Variants in ZNF883 observed in about 807,000 individuals in gnomAD.
ZNF883 encodes the protein zinc finger protein 883.
Position 112,998,078 on chromosome 9 carries a change from C to A in ZNF883, n.182G>T, listed in dbSNP as rs746480453. ...ATAAGGTTTCTCTCCAGTATGTATTCTTTGATGTTGAACAAGATTACTGTT... is the reference window on the plus strand; with the variant it reads ...ATAAGGTTTCTCTCCAGTATGTATTATTTGATGTTGAACAAGATTACTGTT... On this transcript the variant is annotated non_coding_transcript_exon_variant, in exon 1 of 1. Coordinates refer to ENST00000639662, the Ensembl canonical transcript of ZNF883. 1.9e-6 allele frequency: 3 copies of A among 1,613,910 alleles called. No individual in the cohort carries two copies. In the South Asian group the frequency reaches 3.3e-5, roughly 18 times the overall value.
chr9:113,004,662 C>T (rs767208100), intron 2 of ZNF883, among the ~76,000 whole-genome samples: 13 of 151,802 alleles, frequency 8.6e-5, no homozygotes, highest in Non-Finnish European at 1.8e-4. Context: ...GATTTCCAGA[C>T]TCCAGAACTA....
At chr9:112,988,782 A>T (rs992604476) in intron 1 of ZNF883, among the ~76,000 whole-genome samples, 1 of 152,064 alleles carries the variant, frequency 6.6e-6, no homozygotes, top group Non-Finnish European at 1.5e-5. Context: ...ACAGCGTGAA[A>T]CTGTTCCTAT....
chr9:112,989,485 C>T (rs1429408379), intron 1 of ZNF883, among the ~76,000 whole-genome samples: 3 of 152,020 alleles, frequency 2.0e-5, no homozygotes, highest in East Asian at 1.9e-4. Flanking sequence ...GTCTATGTGT[C>T]GTTTTTGGAC....
downstream of ZNF883, among the ~76,000 whole-genome samples, chr9:112,995,994 T>A (rs1276227361): frequency 1.3e-5 from 2 of 152,150 alleles, no homozygotes; most frequent in African/African-American, 4.8e-5. Context: ...TTTCTTTTCT[T>A]TGGATTTATA....
At chr9:112,997,098 AC>A, downstream of ZNF883, 1 of 1,557,014 alleles carries the variant, frequency 6.4e-7, no homozygotes, top group Non-Finnish European at 8.7e-7. Flanking sequence ...CCTACGACTG[AC>A]TGCAGGCTTT....
chr9:112,992,450 G>C (rs1282019747), downstream of ZNF883, among the ~76,000 whole-genome samples: 1 of 152,206 alleles, frequency 6.6e-6, no homozygotes, highest in Non-Finnish European at 1.5e-5. Context: ...GAGGTCTGCT[G>C]TTATTCTGAT....
intron 2 of ZNF883, among the ~76,000 whole-genome samples, chr9:113,009,873 A>G (rs1221220660): frequency 6.6e-6 from 1 of 152,204 alleles, no homozygotes; most frequent in Non-Finnish European, 1.5e-5. Context: ...ATATTAAATA[A>G]CAGCTGTCCT....
At chr9:113,000,753 T>G (rs538816851), upstream of ZNF883, among the ~76,000 whole-genome samples, 18 of 152,260 alleles carry the variant, frequency 1.2e-4, no homozygotes, top group African/African-American at 4.1e-4. Context: ...TAAAGTGTTT[T>G]AAAGTGAAGT....
At chr9:112,997,422 G>T in exon 1 of ZNF883, 1 of 1,614,012 alleles carries the variant, frequency 6.2e-7, no homozygotes, top group Non-Finnish European at 8.5e-7. Context: ...TGTTCAGTAA[G>T]GTGTGTACTT....
chr9:112,996,998 T>A, downstream of ZNF883: 1 of 881,240 alleles, frequency 1.1e-6, no homozygotes, highest in South Asian at 2.0e-5. Context: ...ACAAATAGCA[T>A]ATTAAGTAAA....
chr9:113,003,347 C>A (rs1587896515), intron 2 of ZNF883, among the ~76,000 whole-genome samples: 1 of 152,168 alleles, frequency 6.6e-6, no homozygotes, highest in African/African-American at 2.4e-5. Flanking sequence ...GCCTTCCCAG[C>A]TTGCTGAACT....
upstream of ZNF883, among the ~76,000 whole-genome samples, chr9:113,000,529 G>C (rs72753756): frequency 7.9e-4 from 120 of 152,182 alleles, 1 homozygote; most frequent in South Asian, 1.5e-3. Context: ...TGGATTGGGA[G>C]AATACTAGTA....
chr9:112,993,137 G>C (rs1421867711), downstream of ZNF883, among the ~76,000 whole-genome samples: 2 of 152,222 alleles, frequency 1.3e-5, no homozygotes, highest in Non-Finnish European at 2.9e-5. Context: ...ATCAATTGGA[G>C]GAGAAGAGGC....
At chr9:113,007,271 G>A (rs1281462332) in intron 2 of ZNF883, among the ~76,000 whole-genome samples, 1 of 152,216 alleles carries the variant, frequency 6.6e-6, no homozygotes, top group South Asian at 2.1e-4. Flanking sequence ...AACGATTAAT[G>A]TTCTGCAAGC....
At chr9:112,994,666 AT>A (rs1828331734), downstream of ZNF883, among the ~76,000 whole-genome samples, 2 of 151,842 alleles carry the variant, frequency 1.3e-5, no homozygotes, top group South Asian at 4.2e-4. Flanking sequence ...CACATCTTGG[AT>A]TTTTTAAATT....
chr9:112,989,005 T>C (rs1828278378), intron 1 of ZNF883, among the ~76,000 whole-genome samples: 2 of 152,198 alleles, frequency 1.3e-5, no homozygotes, highest in African/African-American at 4.8e-5. Flanking sequence ...TTTGTTTAGG[T>C]TCCTTGTAGA....
intron 2 of ZNF883, among the ~76,000 whole-genome samples, chr9:113,003,740 A>G (rs924172015): frequency 6.6e-6 from 1 of 152,226 alleles, no homozygotes; most frequent in African/African-American, 2.4e-5. Context: ...CCTGAAAATC[A>G]CAGAAAAGGA....
chr9:113,001,654 G>T (rs1399843071), upstream of ZNF883, among the ~76,000 whole-genome samples: 1 of 152,042 alleles, frequency 6.6e-6, no homozygotes, highest in African/African-American at 2.4e-5. Context: ...CTGTCTTCTT[G>T]GTTGTTTTAG....
chr9:112,996,556 C>T (rs148741809), downstream of ZNF883, among the ~76,000 whole-genome samples: 8,608 of 151,370 alleles, frequency 0.057, 339 homozygotes, highest in East Asian at 0.091. Context: ...CTTTGGGAGG[C>T]CGAGGCGGGC....
Sources: allele counts gnomAD v4.1 joint callset (sites outside exome capture counted in the v4.1 genomes callset), GRCh38; gene constraint gnomAD v4.1.1; transcripts MANE v1.5; gene names NCBI Gene and HGNC (gene_info 2026-07-23, HGNC 2026-07-21).